Variants in ANO3 observed in about 807,000 individuals in gnomAD.
The protein encoded by ANO3 is anoctamin-3.
A neutral mutation model predicts 144.8 loss-of-function variants in ANO3; 99 were observed. The observed-to-expected ratio is 0.68, with a 90% CI of 0.58 to 0.81. The LOEUF (loss-of-function observed/expected upper bound fraction) is 0.81. ANO3 is among the 30% of genes least tolerant of loss of function. The pLI is 0.00. For synonymous variants in ANO3, 414 were observed against 392.6 expected (o/e 1.05, Z -0.64); for missense variants, 905 against 1,202.2 (o/e 0.75, Z 3.66).
chr11:26,251,212 A>G (rs1169928912), intron 1 of ANO3, among the ~76,000 whole-genome samples: 1 of 152,154 alleles, frequency 6.6e-6, no homozygotes, highest in Non-Finnish European at 1.5e-5. Context: ...TTTTTCCATG[A>G]AATTTGTCTT....
intron 3 of ANO3, among the ~76,000 whole-genome samples, chr11:26,451,528 G>A (rs543923880): frequency 6.6e-6 from 1 of 152,188 alleles, no homozygotes; most frequent in Non-Finnish European, 1.5e-5. Flanking sequence ...CAGCAAGGCT[G>A]GGGGAGGAGC....
intron 26 of ANO3, among the ~76,000 whole-genome samples, chr11:26,659,357 T>G (rs1364322764): frequency 7.0e-6 from 1 of 142,810 alleles, no homozygotes; most frequent in East Asian, 2.2e-4. Context: ...TTGAGTTTTA[T>G]TCCTGCTTTT....
intron 12 of ANO3, among the ~76,000 whole-genome samples, chr11:26,553,033 TAAAG>T (rs1453190666): frequency 1.9e-4 from 1 of 5,164 alleles, no homozygotes; most frequent in Non-Finnish European, 5.1e-4. Context: ...TTTCTAAAAT[TAAAG>T]AAGGAATCCC....
chr11:26,448,677 C>T (rs1314135541), intron 3 of ANO3, among the ~76,000 whole-genome samples: 1 of 152,038 alleles, frequency 6.6e-6, no homozygotes, highest in Admixed American at 6.5e-5. Flanking sequence ...TCTAATATTC[C>T]TAAGCTACTT....
At chr11:26,378,840 A>G (rs1856492882) in intron 1 of ANO3, among the ~76,000 whole-genome samples, 1 of 152,056 alleles carries the variant, frequency 6.6e-6, no homozygotes, top group East Asian at 1.9e-4. Context: ...CATGCAGCAT[A>G]TGATGTAAGG....
chr11:26,568,258 G>T (rs1850674173), intron 14 of ANO3, among the ~76,000 whole-genome samples: 1 of 151,980 alleles, frequency 6.6e-6, no homozygotes, highest in Non-Finnish European at 1.5e-5. Flanking sequence ...GTGAAGAAGG[G>T]CTTATTAATC....
chr11:26,526,372 A>T (rs970590275), intron 7 of ANO3, among the ~76,000 whole-genome samples: 1 of 152,142 alleles, frequency 6.6e-6, no homozygotes, highest in African/African-American at 2.4e-5. Flanking sequence ...TGAATGCTCA[A>T]AGAAAAAGCT....
At chr11:26,483,965 C>T (rs568798037) in intron 4 of ANO3, among the ~76,000 whole-genome samples, 1 of 152,264 alleles carries the variant, frequency 6.6e-6, no homozygotes, top group African/African-American at 2.4e-5. Context: ...GTAAATGTCA[C>T]TTTTGTGATG....
In ANO3 at chr11:26,561,657, G is replaced by A. The variant is rs560817692; in HGVS notation, c.1447+1878G>A. Among the ~76,000 whole-genome samples, 12 of 152,046 alleles carry A rather than the reference G, an allele frequency of 7.9e-5. No individual in the cohort carries two copies. The South Asian group carries it at 2.5e-3, about 31-fold the overall frequency. ...TGTTATTATTTTACCAAATATCACA[G>A]TATCTTGATGGCTAAACCATTTAAG... is the stretch of plus-strand genomic sequence containing the variant. On this transcript the variant is annotated intron_variant, in intron 14 of 26. Transcript: ENST00000256737.
At chr11:26,337,553 A>G (rs1164154605) in intron 1 of ANO3, among the ~76,000 whole-genome samples, 3 of 152,346 alleles carry the variant, frequency 2.0e-5, no homozygotes, top group Non-Finnish European at 2.9e-5. Flanking sequence ...TGATGATTAT[A>G]TAAACCAATT....
At chr11:26,210,759 T>G (rs1306374270) in intron 1 of ANO3, among the ~76,000 whole-genome samples, 1 of 144,532 alleles carries the variant, frequency 6.9e-6, no homozygotes, top group African/African-American at 2.5e-5. Context: ...AAATGGGAGT[T>G]CCCTCATGAT....
At chr11:26,435,669 T>A (rs1380503198) in intron 1 of ANO3, among the ~76,000 whole-genome samples, 1 of 152,212 alleles carries the variant, frequency 6.6e-6, no homozygotes, top group Non-Finnish European at 1.5e-5. Flanking sequence ...TTTCTCAGCT[T>A]GGTCTGTTCT....
intron 1 of ANO3, among the ~76,000 whole-genome samples, chr11:26,194,444 G>GTGTGTGTGTGTATGTA (rs566971406): frequency 4.3e-5 from 4 of 92,252 alleles, no homozygotes; most frequent in African/African-American, 8.4e-5. Flanking sequence ...ATAGTGGTGT[G>GTGTGTGTGTGTATGTA]TGTGTGTGTG....
intron 14 of ANO3, among the ~76,000 whole-genome samples, chr11:26,566,686 G>T (rs1850599740): frequency 6.6e-6 from 1 of 151,818 alleles, no homozygotes; most frequent in African/African-American, 2.4e-5. Flanking sequence ...TGCAGATTGG[G>T]TCCTGATCTC....
intron 17 of ANO3, among the ~76,000 whole-genome samples, chr11:26,620,431 A>G (rs1852381145): frequency 6.6e-6 from 1 of 151,926 alleles, no homozygotes; most frequent in South Asian, 2.1e-4. Context: ...AATTTTAATC[A>G]AAAATTAAAA....
At chr11:26,365,029 T>C (rs1856027960) in intron 1 of ANO3, among the ~76,000 whole-genome samples, 1 of 152,186 alleles carries the variant, frequency 6.6e-6, no homozygotes, top group African/African-American at 2.4e-5. Flanking sequence ...GTTATTTACT[T>C]CCAAGATACA....
At chr11:26,221,705 TG>T (rs1287174426) in intron 1 of ANO3, among the ~76,000 whole-genome samples, 1 of 148,528 alleles carries the variant, frequency 6.7e-6, no homozygotes, top group African/African-American at 2.6e-5. Flanking sequence ...ATTTCAATCA[TG>T]TCAGAAGGTG....
intron 1 of ANO3, among the ~76,000 whole-genome samples, chr11:26,332,784 T>C (rs1855090096): frequency 6.6e-6 from 1 of 152,060 alleles, no homozygotes; most frequent in African/African-American, 2.4e-5. Context: ...AGTTCCAGAG[T>C]TGGCCTGTTG....
upstream of ANO3, among the ~76,000 whole-genome samples, chr11:26,328,948 T>C (rs962447025): frequency 2.0e-5 from 3 of 152,204 alleles, no homozygotes; most frequent in Non-Finnish European, 4.4e-5. Flanking sequence ...TCTAGGCTTT[T>C]TTTTTCTACT....
Sources: allele counts gnomAD v4.1 joint callset (sites outside exome capture counted in the v4.1 genomes callset), GRCh38; gene constraint gnomAD v4.1.1; transcripts MANE v1.5; gene names NCBI Gene and HGNC (gene_info 2026-07-23, HGNC 2026-07-21).